Variants in LGSN observed in about 807,000 individuals in gnomAD.
LGSN encodes lengsin.
LGSN carries 21 observed loss-of-function variants against 19.5 expected under a neutral mutation model. The ratio of observed to expected loss-of-function variants is 1.07; its 90% CI spans 0.76 to 1.55. LGSN has a LOEUF of 1.55. LGSN is among the 40% of genes most tolerant of loss of function. The probability of loss-of-function intolerance (pLI) is 0.00; values close to 1 mark genes in which losing one functional copy is unlikely to be tolerated. For synonymous variants in LGSN, 257 were observed against 215.6 expected (o/e 1.19, Z -1.68); for missense variants, 673 against 608.5 (o/e 1.11, Z -1.12).
the LGSN span, among the ~76,000 whole-genome samples, chr6:63,388,730 T>C: frequency 6.6e-6 from 1 of 152,246 alleles, no homozygotes; most frequent in Non-Finnish European, 1.5e-5. Context: ...ATAATAGAGG[T>C]CCTAAAGCTA....
chr6:63,380,922 C>T, the LGSN span, among the ~76,000 whole-genome samples: 11 of 152,190 alleles, frequency 7.2e-5, no homozygotes, highest in African/African-American at 2.4e-4. Context: ...ATGGGCCAGG[C>T]GTGGTGGCTC....
intron 1 of LGSN, among the ~76,000 whole-genome samples, chr6:63,309,576 C>T (rs1582045917): frequency 6.6e-6 from 1 of 151,818 alleles, no homozygotes; most frequent in African/African-American, 2.4e-5. Flanking sequence ...TTGGCGTTTT[C>T]CTTTAATTTT....
chr6:63,310,232 G>A (rs1406836586), intron 1 of LGSN, among the ~76,000 whole-genome samples: 2 of 152,272 alleles, frequency 1.3e-5, no homozygotes, highest in East Asian at 1.9e-4. Flanking sequence ...AACCTGCAGG[G>A]TGGTTTGATG....
intron 2 of LGSN, among the ~76,000 whole-genome samples, chr6:63,292,407 G>A (rs960955799): frequency 1.3e-5 from 2 of 152,174 alleles, no homozygotes; most frequent in African/African-American, 2.4e-5. Context: ...TTTGCCCTTG[G>A]TCCCTGGGAG....
At chr6:63,490,658 CCT>C in the LGSN span, among the ~76,000 whole-genome samples, 1 of 152,036 alleles carries the variant, frequency 6.6e-6, no homozygotes, top group Admixed American at 6.6e-5. Context: ...CTCACTGCAA[CCT>C]CTGTCTCCCA....
At chr6:63,503,696 C>T in the LGSN span, among the ~76,000 whole-genome samples, 1 of 152,184 alleles carries the variant, frequency 6.6e-6, no homozygotes, top group Non-Finnish European at 1.5e-5. Flanking sequence ...TGGTGGATTG[C>T]TTGAGCCCAG....
chr6:63,441,961 T>C, the LGSN span: 5 of 206,216 alleles, frequency 2.4e-5, no homozygotes, highest in African/African-American at 1.2e-4. Context: ...GTGTTACAGT[T>C]CTTAAAGATG....
the LGSN span, among the ~76,000 whole-genome samples, chr6:63,442,160 T>C: frequency 6.6e-6 from 1 of 151,724 alleles, no homozygotes; most frequent in African/African-American, 2.4e-5. Context: ...TCCCAATGCG[T>C]TTGTTCGTCC....
chr6:63,448,596 C>G, the LGSN span, among the ~76,000 whole-genome samples: 1 of 150,572 alleles, frequency 6.6e-6, no homozygotes, highest in African/African-American at 2.4e-5. Flanking sequence ...CACCCTCGAT[C>G]ATTAAAAAAA....
the LGSN span, among the ~76,000 whole-genome samples, chr6:63,342,596 C>G: frequency 1.3e-5 from 2 of 152,068 alleles, no homozygotes; most frequent in African/African-American, 2.4e-5. Context: ...ACGTCAGTGT[C>G]CAAGAACTAC....
At chr6:63,458,515 C>T in the LGSN span, among the ~76,000 whole-genome samples, 1 of 152,026 alleles carries the variant, frequency 6.6e-6, no homozygotes, top group African/African-American at 2.4e-5. Context: ...AAAGGGTAAA[C>T]AGTAATTCTG....
intron 1 of LGSN, among the ~76,000 whole-genome samples, chr6:63,315,557 G>A (rs185758204): frequency 4.5e-4 from 69 of 151,664 alleles, no homozygotes; most frequent in Admixed American, 2.4e-3. Context: ...TTAAGATACT[G>A]AGAAAACATT....
In LGSN at chr6:63,276,585, C is replaced by T. The variant is rs996465286; in HGVS notation, c.*3436G>A. On this transcript the variant is annotated 3_prime_UTR_variant, in exon 4 of 4. Coordinates refer to ENST00000370657, the MANE Select transcript of LGSN (RefSeq NM_016571.3). ...TATTTATAAGGCACCCTTTTCGAGC[C>T]ATAAAGAAGCTTTCCAAATAGCTTT... 1 of 152,090 alleles carries T rather than the reference C, an allele frequency of 6.6e-6. No individual in the cohort carries two copies. Among genetic ancestry groups the T allele is most frequent in the Non-Finnish European group, 1.5e-5 (1 of 68,012 alleles). The allele number at this position is 152,090 out of a possible 1,614,324, so 9.4% of individuals were successfully genotyped here.
chr6:63,513,924 A>C, the LGSN span, among the ~76,000 whole-genome samples: 2 of 148,742 alleles, frequency 1.3e-5, no homozygotes, highest in East Asian at 2.0e-4. Flanking sequence ...AAAAAAAAAA[A>C]AAAAAAAAAA....
chr6:63,371,943 TC>T, the LGSN span, among the ~76,000 whole-genome samples: 1 of 152,208 alleles, frequency 6.6e-6, no homozygotes, highest in Admixed American at 6.5e-5. Flanking sequence ...TATTCTCAAA[TC>T]TTTTCATTTT....
chr6:63,509,886 C>T, the LGSN span, among the ~76,000 whole-genome samples: 1 of 152,208 alleles, frequency 6.6e-6, no homozygotes, highest in East Asian at 1.9e-4. Flanking sequence ...TGCCCTTCCT[C>T]CCACACTGAT....
the LGSN span, among the ~76,000 whole-genome samples, chr6:63,415,463 T>G: frequency 1.3e-5 from 2 of 152,174 alleles, no homozygotes; most frequent in African/African-American, 4.8e-5. Context: ...GCAAGGCACC[T>G]TCTTCACAAG....
At chr6:63,469,496 G>A in the LGSN span, among the ~76,000 whole-genome samples, 32 of 152,144 alleles carry the variant, frequency 2.1e-4, no homozygotes, top group African/African-American at 6.8e-4. Context: ...AAGACATGGT[G>A]GGGTGGGGAG....
the LGSN span, among the ~76,000 whole-genome samples, chr6:63,358,722 G>A: frequency 6.6e-6 from 1 of 152,118 alleles, no homozygotes; most frequent in African/African-American, 2.4e-5. Flanking sequence ...TCAGCTTAAG[G>A]AGATTTTGGG....
Sources: allele counts gnomAD v4.1 joint callset (sites outside exome capture counted in the v4.1 genomes callset), GRCh38; gene constraint gnomAD v4.1.1; transcripts MANE v1.5; gene names NCBI Gene and HGNC (gene_info 2026-07-23, HGNC 2026-07-21).